CSMD1: variants seen among roughly 807,000 people sequenced by gnomAD.
CSMD1 encodes CUB and Sushi multiple domains 1.
A neutral mutation model predicts 417.5 loss-of-function variants in CSMD1; 213 were observed. The ratio of observed to expected loss-of-function variants is 0.51; its 90% CI spans 0.46 to 0.57. CSMD1 has a LOEUF of 0.57. CSMD1 is among the 20% of genes least tolerant of loss of function. CSMD1 has a pLI of 0.00. For synonymous variants in CSMD1, 2,862 were observed against 1,736.8 expected (o/e 1.65, Z -16.11); for missense variants, 6,923 against 4,529.7 (o/e 1.53, Z -15.17).
Position 2,954,261 on chromosome 8 carries a change from TC to T in CSMD1, c.10001del (p.Gly3334GlufsTer2). On this transcript the variant is annotated frameshift_variant, in exon 65 of 70. Transcript: ENST00000635120. LOFTEE classifies it high-confidence loss of function. ...TGKSPVCKSKGVREVNETVTK... is the reference protein window; with the variant it reads ...TGKSPVCKSKXVREVNETVTK... ...TAACTGTTTCATTAACTTCTCTCAC[TC>T]CTTTACCTACAAGTAAAAAGACAAA... 1 of 1,482,832 alleles carries T rather than the reference TC, an allele frequency of 6.7e-7. No homozygotes were observed. The highest frequency in any genetic ancestry group is 9.2e-7 in the Non-Finnish European group (1 of 1,092,322). The allele number at this position is 1,482,832 out of a possible 1,614,324, so 91.9% of individuals were successfully genotyped here.
chr8:3,840,308 C>A (rs1344493770), intron 5 of CSMD1, among the ~76,000 whole-genome samples: 2 of 152,086 alleles, frequency 1.3e-5, no homozygotes, highest in African/African-American at 2.4e-5. Context: ...GGCTGAGGTG[C>A]CAACTAGCAT....
intron 5 of CSMD1, among the ~76,000 whole-genome samples, chr8:3,787,274 A>G (rs972164377): frequency 1.2e-4 from 18 of 152,186 alleles, no homozygotes; most frequent in African/African-American, 4.1e-4. Flanking sequence ...GTTGTGAAAA[A>G]CCATAATCAA....
intron 48 of CSMD1, 34 bp downstream of exon 48, chr8:3,091,482 A>G (rs1814939347): frequency 6.6e-7 from 1 of 1,515,376 alleles, no homozygotes; most frequent in Non-Finnish European, 8.9e-7. Context: ...GTTTTAAAAT[A>G]CTTTCATATA....
chr8:4,211,118 A>G (rs1240031788), intron 3 of CSMD1, among the ~76,000 whole-genome samples: 2 of 152,190 alleles, frequency 1.3e-5, no homozygotes, highest in African/African-American at 2.4e-5. Flanking sequence ...TTGCTGTTAT[A>G]TATTCCTGAA....
intron 3 of CSMD1, among the ~76,000 whole-genome samples, chr8:4,236,780 G>A (rs1802091328): frequency 1.3e-5 from 2 of 152,132 alleles, no homozygotes; most frequent in African/African-American, 4.8e-5. Flanking sequence ...TACAAGGTGG[G>A]CAATTACTAA....
At chr8:4,373,766 C>T (rs968812592) in intron 3 of CSMD1, among the ~76,000 whole-genome samples, 9 of 152,174 alleles carry the variant, frequency 5.9e-5, no homozygotes, top group African/African-American at 2.2e-4. Flanking sequence ...TCAGGTTCTC[C>T]CTGGGGCACT....
Position 3,586,131 on chromosome 8 carries a change from C to T in CSMD1, c.1222+5G>A. 1 of 1,610,090 alleles carries T rather than the reference C, an allele frequency of 6.2e-7. No individual in the cohort carries two copies. Among genetic ancestry groups the T allele is most frequent in the East Asian group, 2.2e-5 (1 of 44,764 alleles). ...TCCAGGCTTTACCCACCGCAGGTGC[C>T]TTACCTCGGCAGATGGGCCTGTGGT... On this transcript the variant is annotated splice_donor_5th_base_variant and intron_variant, in intron 9 of 69. Transcript: ENST00000635120.
chr8:4,769,457 C>T (rs1304158120), intron 1 of CSMD1, among the ~76,000 whole-genome samples: 2 of 151,984 alleles, frequency 1.3e-5, no homozygotes, highest in South Asian at 4.1e-4. Context: ...CTGAAGATCA[C>T]TTATGAAGAT....
At chr8:4,819,664 C>T (rs1426237838) in intron 1 of CSMD1, among the ~76,000 whole-genome samples, 1 of 152,164 alleles carries the variant, frequency 6.6e-6, no homozygotes, top group Non-Finnish European at 1.5e-5. Context: ...GTTGTCACCC[C>T]TGTCTCAGTC....
chr8:3,291,713 C>G (rs1042145069), intron 25 of CSMD1, among the ~76,000 whole-genome samples: 1 of 152,156 alleles, frequency 6.6e-6, no homozygotes, highest in South Asian at 2.1e-4. Flanking sequence ...TGATTCTTCT[C>G]TCTTTTCTTC....
At chr8:3,935,911 C>G (rs939446280) in intron 5 of CSMD1, among the ~76,000 whole-genome samples, 1 of 152,118 alleles carries the variant, frequency 6.6e-6, no homozygotes, top group Non-Finnish European at 1.5e-5. Context: ...AGGCTGAAAA[C>G]TAAGCCTCCT....
At chr8:4,896,371 C>G (rs762937472) in intron 1 of CSMD1, among the ~76,000 whole-genome samples, 6 of 152,036 alleles carry the variant, frequency 3.9e-5, no homozygotes, top group Non-Finnish European at 8.8e-5. Context: ...GGGAGCATTG[C>G]TTTTGCATTT....
At chr8:3,690,379 C>A (rs1800174792) in intron 7 of CSMD1, among the ~76,000 whole-genome samples, 1 of 152,122 alleles carries the variant, frequency 6.6e-6, no homozygotes, top group Non-Finnish European at 1.5e-5. Flanking sequence ...ACAAAAATTA[C>A]CTGAATCTAA....
intron 9 of CSMD1, among the ~76,000 whole-genome samples, chr8:3,584,989 C>T (rs1045982913): frequency 1.3e-5 from 2 of 152,114 alleles, no homozygotes; most frequent in African/African-American, 2.4e-5. Flanking sequence ...ATGTGCATTT[C>T]CTGGACCAGA....
rs1473196129 is a variant in CSMD1, at chr8:4,951,492, CA to C, written c.85+42839del. 6.2e-5 allele frequency among the ~76,000 whole-genome samples: 8 copies of C among 129,688 alleles called. No homozygotes were observed. The East Asian group carries it at 1.6e-3, about 25-fold the overall frequency. The allele number at this position is 129,688 out of a possible 152,430, so 85.1% of individuals were successfully genotyped here. A position where few individuals can be genotyped will look rare whatever the true frequency, so the allele number is the denominator to read the frequency against. The stretch of plus-strand genomic sequence containing the variant: ...AGGAAGGAAGGAAAAGGAAACAGAA[CA>C]GGGAAAGGGAAAGAGGAAGGATGGG... On this transcript the variant is annotated intron_variant, in intron 1 of 69. Coordinates refer to ENST00000635120, the MANE Select transcript of CSMD1 (RefSeq NM_033225.6).
At chr8:3,792,445 C>A (rs552582726) in intron 5 of CSMD1, among the ~76,000 whole-genome samples, 2 of 152,288 alleles carry the variant, frequency 1.3e-5, no homozygotes, top group East Asian at 3.9e-4. Flanking sequence ...CAAAACTGAA[C>A]AAGATGAGGA....
intron 1 of CSMD1, among the ~76,000 whole-genome samples, chr8:4,741,991 C>T (rs1457097306): frequency 7.3e-6 from 1 of 136,382 alleles, no homozygotes; most frequent in African/African-American, 2.8e-5. Context: ...GCACGCACCA[C>T]CACACCCACT....
intron 10 of CSMD1, among the ~76,000 whole-genome samples, chr8:3,508,045 C>A (rs1288559407): frequency 1.3e-5 from 2 of 152,058 alleles, no homozygotes; most frequent in East Asian, 3.9e-4. Flanking sequence ...GCTTTTGTTG[C>A]CATTGCTTTT....
At chr8:3,182,223 C>G (rs1585578925) in intron 36 of CSMD1, among the ~76,000 whole-genome samples, 1 of 152,154 alleles carries the variant, frequency 6.6e-6, no homozygotes, top group South Asian at 2.1e-4. Flanking sequence ...CCTTAGCTCA[C>G]CACTTAAACT....
Sources: gnomAD v4.1 joint callset for allele counts (sites outside exome capture counted in the v4.1 genomes callset) on GRCh38, gnomAD v4.1.1 for gene constraint, MANE v1.5 for transcripts, NCBI Gene and HGNC (gene_info 2026-07-23, HGNC 2026-07-21) for gene names.